SORCS1: variants seen among roughly 807,000 people sequenced by gnomAD.
The protein encoded by SORCS1 is VPS10 domain-containing receptor SorCS1.
A neutral mutation model predicts 146.1 loss-of-function variants in SORCS1; 60 were observed. That is an observed-to-expected ratio of 0.41 (90% CI 0.33 to 0.51). The LOEUF (loss-of-function observed/expected upper bound fraction) is 0.51. Among genes scored for constraint, SORCS1 ranks in the 20% least tolerant of loss-of-function variants. The pLI, the probability that SORCS1 is intolerant of heterozygous loss-of-function variation, is 0.21. For missense variants in SORCS1, 1,352 were observed against 1,487.6 expected, an observed-to-expected ratio of 0.91 and a Z score of 1.50; for synonymous variants, 637 against 584.0, an observed-to-expected ratio of 1.09 and a Z score of -1.31.
intron 2 of SORCS1, among the ~76,000 whole-genome samples, chr10:106,893,705 G>T (rs898633815): frequency 2.4e-4 from 37 of 152,166 alleles, no homozygotes; most frequent in African/African-American, 8.9e-4. Flanking sequence ...TTTTGTAGAA[G>T]ATTCACAGGA....
intron 1 of SORCS1, among the ~76,000 whole-genome samples, chr10:107,013,635 T>C (rs915280647): frequency 3.3e-5 from 5 of 152,158 alleles, no homozygotes; most frequent in Non-Finnish European, 5.9e-5. Flanking sequence ...TTTAGGGATA[T>C]TTATTAGCAT....
At chr10:106,640,172 A>AT (rs1848981888) in intron 18 of SORCS1, among the ~76,000 whole-genome samples, 2 of 152,176 alleles carry the variant, frequency 1.3e-5, no homozygotes, top group South Asian at 4.1e-4. Flanking sequence ...TCTTGAAGAA[A>AT]TTTTTATCAA....
intron 4 of SORCS1, among the ~76,000 whole-genome samples, chr10:106,767,814 C>T (rs990923118): frequency 3.9e-5 from 6 of 152,062 alleles, no homozygotes; most frequent in African/African-American, 1.4e-4. Flanking sequence ...TAAAGACAAG[C>T]GTTGGTGGCA....
chr10:106,860,468 T>A (rs926929793), intron 2 of SORCS1, among the ~76,000 whole-genome samples: 10 of 152,128 alleles, frequency 6.6e-5, no homozygotes, highest in Non-Finnish European at 1.3e-4. Context: ...TACCACACAC[T>A]GGGCTAAGCA....
In SORCS1 at chr10:106,577,355, T is replaced by C; in HGVS notation, c.*65A>G. On this transcript the variant is annotated 3_prime_UTR_variant, in exon 26 of 26. Transcript: ENST00000263054. Reference sequence around the variant, plus strand: ...CAAAGTTAGTGGTCATGAAGGATGATGTACTTGACAAGAGCGAAATTCTTT... The same window carrying C: ...CAAAGTTAGTGGTCATGAAGGATGACGTACTTGACAAGAGCGAAATTCTTT... The C allele has an allele frequency of 6.8e-6, 11 of 1,612,518 alleles. No homozygotes were observed. The highest frequency in any genetic ancestry group is 9.3e-6 in the Non-Finnish European group (11 of 1,179,128).
chr10:106,919,436 G>A (rs904090613), intron 2 of SORCS1, among the ~76,000 whole-genome samples: 1 of 152,112 alleles, frequency 6.6e-6, no homozygotes, highest in Non-Finnish European at 1.5e-5. Context: ...AATATGGTCT[G>A]CCTGGGAAGA....
At chr10:106,930,719 G>C (rs1234606887) in intron 2 of SORCS1, among the ~76,000 whole-genome samples, 1 of 152,048 alleles carries the variant, frequency 6.6e-6, no homozygotes, top group African/African-American at 2.4e-5. Flanking sequence ...ATGGTTCTTA[G>C]GAGTCAGAAC....
At chr10:107,046,362 G>A (rs1256310842) in intron 1 of SORCS1, among the ~76,000 whole-genome samples, 1 of 151,986 alleles carries the variant, frequency 6.6e-6, no homozygotes, top group East Asian at 1.9e-4. Context: ...ATGAGCGACT[G>A]TATGTGGCCA....
rs142498201 is a variant in SORCS1 at position 106,765,864 on chromosome 10, C to G, written c.886-4203G>C. Among the ~76,000 whole-genome samples the G allele has an allele frequency of 3.3e-3, 509 of 152,116 alleles. 2 individuals carry two copies. Among genetic ancestry groups the G allele is most frequent in the African/African-American group, 0.012 (481 of 41,508 alleles). On this transcript the variant is annotated intron_variant, in intron 4 of 25. Coordinates refer to ENST00000263054, the MANE Select transcript of SORCS1 (RefSeq NM_052918.5). Reference sequence around the variant, plus strand: ...TCTTTTCAATATTCCTAAATCGGATCAACGTATCCTCTCTTTTCAGATTGT... The same window carrying G: ...TCTTTTCAATATTCCTAAATCGGATGAACGTATCCTCTCTTTTCAGATTGT...
chr10:107,018,552 C>T (rs1957995261), intron 1 of SORCS1, among the ~76,000 whole-genome samples: 1 of 152,002 alleles, frequency 6.6e-6, no homozygotes, highest in African/African-American at 2.4e-5. Context: ...TCTGAGTTTT[C>T]ATTGCTGAAG....
intron 18 of SORCS1, among the ~76,000 whole-genome samples, chr10:106,637,513 G>C (rs1848797918): frequency 6.6e-6 from 1 of 152,138 alleles, no homozygotes; most frequent in Non-Finnish European, 1.5e-5. Context: ...CAAATGTGCA[G>C]ACCTCCTGAG....
intron 1 of SORCS1, among the ~76,000 whole-genome samples, chr10:107,008,769 GGGT>G (rs1957560558): frequency 6.6e-6 from 1 of 152,138 alleles, no homozygotes; most frequent in Non-Finnish European, 1.5e-5. Context: ...AGGCCGAGGC[GGGT>G]GGATCACGAG....
chr10:106,929,773 G>GCACACACACA (rs36086801), intron 2 of SORCS1, among the ~76,000 whole-genome samples: 49 of 150,380 alleles, frequency 3.3e-4, no homozygotes, highest in African/African-American at 1.0e-3. Context: ...ATGTGCACGT[G>GCACACACACA]CACACACACA....
intron 18 of SORCS1, among the ~76,000 whole-genome samples, chr10:106,640,010 C>CAA (rs148627015): frequency 9.7e-5 from 14 of 145,006 alleles, no homozygotes; most frequent in East Asian, 6.0e-4. Context: ...GGGTGTGTCT[C>CAA]AAAAAAAAAA....
At chr10:106,833,622 GA>G (rs1402291527) in intron 2 of SORCS1, among the ~76,000 whole-genome samples, 6 of 152,246 alleles carry the variant, frequency 3.9e-5, no homozygotes, top group African/African-American at 1.4e-4. Context: ...TCAAAAGATT[GA>G]GGCCTGGCAC....
intron 25 of SORCS1, chr10:106,578,883 T>C (rs544730138): frequency 1.4e-6 from 2 of 1,408,056 alleles, no homozygotes; most frequent in South Asian, 3.3e-5. Flanking sequence ...AATAAACTAA[T>C]GAGAGAAAAA....
chr10:106,988,666 G>A (rs761466755), intron 1 of SORCS1, among the ~76,000 whole-genome samples: 34 of 152,074 alleles, frequency 2.2e-4, no homozygotes, highest in Non-Finnish European at 4.7e-4. Flanking sequence ...AATTGGCAGA[G>A]TAGGAAAAAT....
intron 1 of SORCS1, among the ~76,000 whole-genome samples, chr10:106,987,092 T>C (rs2139419597): frequency 6.6e-6 from 1 of 152,328 alleles, no homozygotes; most frequent in East Asian, 1.9e-4. Context: ...TTCTGAATAA[T>C]TTTTTCACTC....
intron 18 of SORCS1, among the ~76,000 whole-genome samples, chr10:106,645,864 C>G (rs7099241): frequency 0.24 from 36,092 of 151,754 alleles, 5,261 homozygotes; most frequent in East Asian, 0.52. Context: ...TTATTGAAAA[C>G]GTATTATTAT....
Sources: allele counts gnomAD v4.1 joint callset (sites outside exome capture counted in the v4.1 genomes callset), GRCh38; gene constraint gnomAD v4.1.1; transcripts MANE v1.5; gene names NCBI Gene and HGNC (gene_info 2026-07-23, HGNC 2026-07-21).